Variants in NSD2 observed in about 807,000 individuals in gnomAD.
NSD2 encodes the protein histone-lysine N-methyltransferase NSD2.
A neutral mutation model predicts 139.0 loss-of-function variants in NSD2; 12 were observed. That is an observed-to-expected ratio of 0.09 (90% CI 0.06 to 0.14). The LOEUF (loss-of-function observed/expected upper bound fraction) is 0.14, where lower values mean the gene tolerates loss of function less well. Ranked by LOEUF, NSD2 falls within the 10% of genes least tolerant of loss-of-function variation. The probability of loss-of-function intolerance (pLI) is 1.00; values close to 1 mark genes in which losing one functional copy is unlikely to be tolerated. For missense variants in NSD2, 1,155 were observed against 1,745.0 expected, an observed-to-expected ratio of 0.66 and a Z score of 6.02; for synonymous variants, 669 against 648.7, an observed-to-expected ratio of 1.03 and a Z score of -0.48.
chr4:1,927,092 G>A (rs1721003369), intron 5 of NSD2, among the ~76,000 whole-genome samples: 1 of 152,150 alleles, frequency 6.6e-6, no homozygotes, highest in African/African-American at 2.4e-5. Flanking sequence ...TGCTTCCAGG[G>A]TACCTTCTCT....
At chr4:1,941,500 GTCCTGACC>G in intron 9 of NSD2, 1 of 1,046,150 alleles carries the variant, frequency 9.6e-7, no homozygotes, top group Non-Finnish European at 1.2e-6. Context: ...CTAGGCAGTT[GTCCTGACC>G]TTGAGAAGAC....
intron 1 of NSD2, among the ~76,000 whole-genome samples, chr4:1,892,532 C>T (rs1715660849): frequency 6.6e-6 from 1 of 152,108 alleles, no homozygotes; most frequent in South Asian, 2.1e-4. Flanking sequence ...TAACTCTTCC[C>T]ACCTCTGTTC....
intron 1 of NSD2, among the ~76,000 whole-genome samples, chr4:1,876,974 A>G (rs894538937): frequency 1.3e-4 from 19 of 151,996 alleles, no homozygotes; most frequent in African/African-American, 4.1e-4. Flanking sequence ...CGTCTCTACT[A>G]AAAATACAAA....
intron 7 of NSD2, among the ~76,000 whole-genome samples, chr4:1,937,235 G>A (rs986065464): frequency 1.3e-5 from 2 of 151,980 alleles, no homozygotes; most frequent in African/African-American, 4.8e-5. Context: ...TGTATTTTTA[G>A]TAGAGATGGG....
chr4:1,938,473 C>T lies in NSD2; in HGVS notation c.1697C>T (p.Thr566Met). Reference protein sequence around the residue: ...LRKRDTITDKTARTSSYKAME... With the variant: ...LRKRDTITDKMARTSSYKAME... ...TAGAGAGACACAATCACTGACAAAA[C>T]GGCCAGAACAAGCTCTTACAAGGCC... Residue 566 changes from threonine to methionine, a missense_variant, in exon 8 of 22, where the codon ACG (threonine) becomes ATG (methionine). This residue lies in a region of NSD2 where 420 missense variants were observed against 469.0 expected (regional missense o/e 0.90). Transcript: ENST00000508803. 1.5e-6 allele frequency: 2 copies of T among 1,353,844 alleles called. No homozygotes were observed. Among genetic ancestry groups the T allele is most frequent in the Non-Finnish European group, 2.0e-6 (2 of 1,024,424 alleles). 83.9% of individuals were successfully genotyped at this position (1,353,844 alleles called of 1,614,324 possible).
Position 1,932,395 on chromosome 4 carries a change from C to T in NSD2, c.1555+1625C>T, listed in dbSNP as rs192919821. On this transcript the variant is annotated intron_variant, in intron 6 of 21. Coordinates refer to ENST00000508803, the MANE Select transcript of NSD2 (RefSeq NM_001042424.3). Reference sequence around the variant, plus strand: ...CAGAGGTTGCAGTGAGGCAAGATCACGCCACTGCACTCCAGCCTTGGCGCC... The same window carrying T: ...CAGAGGTTGCAGTGAGGCAAGATCATGCCACTGCACTCCAGCCTTGGCGCC... 7.0e-4 allele frequency among the ~76,000 whole-genome samples: 100 copies of T among 142,162 alleles called. 2 individuals carry two copies. The East Asian group carries it at 0.019, about 27-fold the overall frequency. The allele number at this position is 142,162 out of a possible 152,430, so 93.3% of individuals were successfully genotyped here.
At chr4:1,971,419 C>T (rs1386527005) in intron 18 of NSD2, among the ~76,000 whole-genome samples, 1 of 152,022 alleles carries the variant, frequency 6.6e-6, no homozygotes, top group Non-Finnish European at 1.5e-5. Context: ...GGTGAGTTCA[C>T]CTCTTAATTG....
chr4:1,974,859 A>G lies in NSD2; in HGVS notation c.3373-4A>G, dbSNP rs1285181585. On this transcript the variant is annotated splice_region_variant and splice_polypyrimidine_tract_variant and intron_variant, in intron 18 of 21. Transcript: ENST00000508803. This position sits in a 1 kb window ranked among gnomAD's most constrained non-coding sequence, Gnocchi z 4.0. ...TTGACCGAATATATCACTTGACCTT[A>G]CAGGACCGTATAATAGACGCTGGCC... 2.5e-6 allele frequency: 4 copies of G among 1,614,228 alleles called. No individual in the cohort carries two copies. In the East Asian group the frequency reaches 6.7e-5, roughly 27 times the overall value.
chr4:1,920,333 C>T (rs1219473586), intron 5 of NSD2, among the ~76,000 whole-genome samples: 1 of 152,064 alleles, frequency 6.6e-6, no homozygotes, highest in African/African-American at 2.4e-5. Flanking sequence ...GCTTGTAATC[C>T]CAGCTACTCA....
Position 1,904,652 on chromosome 4 carries a change from G to A in NSD2, c.760+274G>A, listed in dbSNP as rs188156836. Among the ~76,000 whole-genome samples, 290 of 152,228 alleles carry A rather than the reference G, an allele frequency of 1.9e-3. 1 individual carries two copies. Among genetic ancestry groups the A allele is most frequent in the Non-Finnish European group, 3.5e-3 (238 of 68,020 alleles). On this transcript the variant is annotated intron_variant, in intron 3 of 21. Transcript: ENST00000508803. ...TTATGATAGTTTATTATTTAGTTAC[G>A]ATGATTGCTTGTTTCAGGATGATTT...
chr4:1,935,802 T>C (rs1350839917), intron 7 of NSD2, among the ~76,000 whole-genome samples: 1 of 151,870 alleles, frequency 6.6e-6, no homozygotes, highest in Non-Finnish European at 1.5e-5. Context: ...CAGAGGTTGC[T>C]GTGAGCTGAG....
At chr4:1,938,401 CTTTTTTTTTTCTTTCTTTTTTTTT>C in intron 7 of NSD2, 26 bp from the exon 8 acceptor site, 2 of 872,426 alleles carry the variant, frequency 2.3e-6, no homozygotes, top group South Asian at 3.0e-5. Flanking sequence ...TTTTTCTTTT[CTTTTTTTTTTCTTTCTTTTTTTTT>C]TTTTTTTTTT....
intron 3 of NSD2, among the ~76,000 whole-genome samples, chr4:1,906,654 CTTTTTTTTTTTT>C (rs537619996): frequency 2.0e-5 from 2 of 99,910 alleles, no homozygotes; most frequent in African/African-American, 4.0e-5. Context: ...CTCTCTCTCT[CTTTTTTTTTTTT>C]TTTTTTTTTT....
chr4:1,960,674 C>G (rs931667353), intron 17 of NSD2, among the ~76,000 whole-genome samples: 1 of 152,206 alleles, frequency 6.6e-6, no homozygotes, highest in Non-Finnish European at 1.5e-5. Flanking sequence ...CAGACTCTTG[C>G]TTTACATCCT....
chr4:1,954,230 C>T (rs1353990129), intron 12 of NSD2, among the ~76,000 whole-genome samples: 1 of 152,082 alleles, frequency 6.6e-6, no homozygotes, highest in Non-Finnish European at 1.5e-5. Flanking sequence ...GGTGATCCAC[C>T]CGCCTCAGCC....
Position 1,895,104 on chromosome 4 carries a change from A to G in NSD2, c.-29-5522A>G, listed in dbSNP as rs530376712. ...TCAAGATTCGTCCATATTGAAGCAGATATCAGCATTTCCTTCCTTTTAAAG... is the reference window on the plus strand; with the variant it reads ...TCAAGATTCGTCCATATTGAAGCAGGTATCAGCATTTCCTTCCTTTTAAAG... On this transcript the variant is annotated intron_variant, in intron 1 of 21. Coordinates refer to ENST00000508803, the MANE Select transcript of NSD2 (RefSeq NM_001042424.3). Among the ~76,000 whole-genome samples the G allele has an allele frequency of 3.3e-4, 50 of 152,314 alleles. 2 individuals carry two copies. The South Asian group carries it at 9.3e-3, about 28-fold the overall frequency.
intron 18 of NSD2, among the ~76,000 whole-genome samples, chr4:1,964,771 C>T (rs1725715233): frequency 6.6e-6 from 1 of 151,862 alleles, no homozygotes; most frequent in Non-Finnish European, 1.5e-5. Context: ...GGGAGCCAGA[C>T]ATTAAAAGAC....
chr4:1,947,530 A>G (rs757206947), intron 9 of NSD2: 3 of 1,054,756 alleles, frequency 2.8e-6, no homozygotes, highest in Non-Finnish European at 3.4e-6. Flanking sequence ...TTTAATAAAA[A>G]TTGTTATGAA....
chr4:1,979,015 C>G lies in NSD2; in HGVS notation c.*106C>G. The G allele has an allele frequency of 7.2e-7, 1 of 1,390,000 alleles. No homozygotes were observed. The highest frequency in any genetic ancestry group is 9.4e-7 in the Non-Finnish European group (1 of 1,060,912). 86.1% of individuals were successfully genotyped at this position (1,390,000 alleles called of 1,614,324 possible). A position where few individuals can be genotyped will look rare whatever the true frequency, so the allele number is the denominator to read the frequency against. On this transcript the variant is annotated 3_prime_UTR_variant, in exon 22 of 22. Coordinates refer to ENST00000508803, the MANE Select transcript of NSD2 (RefSeq NM_001042424.3). ...GCCCGGAGGACCCAGCTCGAGCCGCCAGGACACAGACGTACAGGCCTCCTC... is the reference window on the plus strand; with the variant it reads ...GCCCGGAGGACCCAGCTCGAGCCGCGAGGACACAGACGTACAGGCCTCCTC...
Sources: allele counts gnomAD v4.1 joint callset (sites outside exome capture counted in the v4.1 genomes callset), GRCh38; gene constraint gnomAD v4.1.1; regional missense constraint gnomAD v4.1.1; non-coding constraint Gnocchi (gnomAD v3.1); transcripts MANE v1.5; gene names NCBI Gene and HGNC (gene_info 2026-07-23, HGNC 2026-07-21).